The following NAV3 variants were observed in gnomAD, a reference collection of about 807,000 sequenced individuals.
NAV3 encodes neuron navigator 3.
Under a neutral mutation model 244.7 loss-of-function variants are expected in NAV3, and 87 were observed. That is an observed-to-expected ratio of 0.36 (90% CI 0.30 to 0.42). The LOEUF (loss-of-function observed/expected upper bound fraction) is 0.42, where lower values mean the gene tolerates loss of function less well. Among genes scored for constraint, NAV3 ranks in the 20% least tolerant of loss-of-function variants. The pLI, the probability that NAV3 is intolerant of heterozygous loss-of-function variation, is 1.00. For synonymous variants in NAV3, 1,126 were observed against 1,042.2 expected, an observed-to-expected ratio of 1.08 and a Z score of -1.55; for missense variants, 2,663 against 2,893.3, an observed-to-expected ratio of 0.92 and a Z score of 1.83.
intron 2 of NAV3, among the ~76,000 whole-genome samples, chr12:77,700,561 T>A (rs1221747669): frequency 1.3e-5 from 2 of 152,122 alleles, no homozygotes; most frequent in Non-Finnish European, 2.9e-5. Context: ...TATTATAATG[T>A]TGAATAGAAA....
intron 12 of NAV3, among the ~76,000 whole-genome samples, chr12:78,071,619 C>T (rs969975655): frequency 4.6e-5 from 7 of 151,806 alleles, no homozygotes; most frequent in Non-Finnish European, 5.9e-5. Context: ...TCAGACATGA[C>T]GTCTTTAATC....
At chr12:77,997,426 G>A (rs1395513686) in intron 6 of NAV3, among the ~76,000 whole-genome samples, 2 of 152,118 alleles carry the variant, frequency 1.3e-5, no homozygotes, top group Non-Finnish European at 2.9e-5. Flanking sequence ...TTGTTTAAGA[G>A]TGAAATGAAT....
intron 21 of NAV3, 146 bp from the exon 22 acceptor site, chr12:78,148,696 T>C (rs1257668152): frequency 1.6e-6 from 1 of 632,882 alleles, no homozygotes; most frequent in Non-Finnish European, 2.8e-6. Flanking sequence ...GTGGAGTCAG[T>C]GTTCATATCC....
chr12:78,054,695 A>G (rs1287001386), intron 11 of NAV3, among the ~76,000 whole-genome samples: 1 of 152,186 alleles, frequency 6.6e-6, no homozygotes, highest in Non-Finnish European at 1.5e-5. Flanking sequence ...ATAGAACCAG[A>G]GATGGACTAC....
At chr12:77,958,686 T>G (rs958268277) in intron 3 of NAV3, among the ~76,000 whole-genome samples, 1 of 152,178 alleles carries the variant, frequency 6.6e-6, no homozygotes, top group African/African-American at 2.4e-5. Context: ...TCAGAAACTT[T>G]TCATTTTATT....
intron 2 of NAV3, among the ~76,000 whole-genome samples, chr12:77,778,180 C>T (rs1212430181): frequency 7.8e-6 from 1 of 128,750 alleles, no homozygotes; most frequent in Non-Finnish European, 1.7e-5. Context: ...CCTCTGCCCT[C>T]TCCTCCTCTC....
At chr12:77,807,120 ACT>A (rs536908802) in intron 2 of NAV3, among the ~76,000 whole-genome samples, 34 of 152,000 alleles carry the variant, frequency 2.2e-4, no homozygotes, top group Admixed American at 3.9e-4. Context: ...ATGGGTCTTG[ACT>A]CTATCCAATT....
intron 1 of NAV3, among the ~76,000 whole-genome samples, chr12:77,900,812 A>G (rs1885198411): frequency 6.6e-6 from 1 of 152,066 alleles, no homozygotes; most frequent in Non-Finnish European, 1.5e-5. Context: ...CCACGGGGTC[A>G]CCCACCAAGA....
intron 1 of NAV3, among the ~76,000 whole-genome samples, chr12:77,860,339 A>G (rs1453294484): frequency 1.3e-5 from 2 of 150,416 alleles, no homozygotes; most frequent in Non-Finnish European, 3.0e-5. Flanking sequence ...TATTTTATTT[A>G]TAATTTTATA....
chr12:77,874,984 A>C (rs1881641559), intron 1 of NAV3, among the ~76,000 whole-genome samples: 1 of 152,176 alleles, frequency 6.6e-6, no homozygotes, highest in African/African-American at 2.4e-5. Flanking sequence ...CATTGTAGGA[A>C]GAATGCATTT....
rs200907829 is a variant in NAV3 at position 77,739,482 on chromosome 12, C to G, written c.72+167216C>G. ...ATTCTGTGTATCTCTAGCATTTAATCTGATGCCACATTTAATAAGAGCAAA... is the reference window on the plus strand; with the variant it reads ...ATTCTGTGTATCTCTAGCATTTAATGTGATGCCACATTTAATAAGAGCAAA... On this transcript the variant is annotated intron_variant, in intron 2 of 8. Coordinates refer to the NAV3 transcript ENST00000550042. Among the ~76,000 whole-genome samples the G allele has an allele frequency of 3.9e-5, 6 of 152,180 alleles. No homozygotes were observed. In the East Asian group the frequency reaches 1.2e-3, roughly 29 times the overall value.
chr12:78,037,923 GC>G (rs941678015), intron 9 of NAV3, among the ~76,000 whole-genome samples: 1 of 152,168 alleles, frequency 6.6e-6, no homozygotes, highest in Non-Finnish European at 1.5e-5. Context: ...TACAGGGGCC[GC>G]TGCTGGCTTC....
At chr12:77,974,433 C>A (rs1394190347) in intron 5 of NAV3, among the ~76,000 whole-genome samples, 2 of 151,682 alleles carry the variant, frequency 1.3e-5, no homozygotes, top group African/African-American at 4.8e-5. Context: ...AGGTGCCCAC[C>A]ACCACGGCCA....
chr12:78,039,654 G>C (rs1238308502), intron 9 of NAV3, among the ~76,000 whole-genome samples: 1 of 152,086 alleles, frequency 6.6e-6, no homozygotes, highest in Non-Finnish European at 1.5e-5. Context: ...AGATGGCAAT[G>C]CTGGCAGTGT....
chr12:77,678,824 C>T (rs1436148436), intron 2 of NAV3, among the ~76,000 whole-genome samples: 1 of 145,544 alleles, frequency 6.9e-6, no homozygotes, highest in Non-Finnish European at 1.5e-5. Flanking sequence ...AATCCCAGAG[C>T]GATCAGAAGG....
chr12:77,958,966 T>C (rs1593117014), intron 3 of NAV3, among the ~76,000 whole-genome samples: 1 of 152,316 alleles, frequency 6.6e-6, no homozygotes, highest in Non-Finnish European at 1.5e-5. Flanking sequence ...AATTTCTTTG[T>C]ATTACTGCTA....
At chr12:78,039,781 T>C (rs1214144410) in intron 9 of NAV3, among the ~76,000 whole-genome samples, 1 of 152,092 alleles carries the variant, frequency 6.6e-6, no homozygotes, top group Non-Finnish European at 1.5e-5. Context: ...TATTTTTTTT[T>C]TCTCTACTAA....
intron 8 of NAV3, among the ~76,000 whole-genome samples, chr12:78,009,910 A>T (rs1029875931): frequency 6.6e-6 from 1 of 152,162 alleles, no homozygotes; most frequent in African/African-American, 2.4e-5. Context: ...ACAATATAAG[A>T]TAGCTAAAAA....
rs1454107729 is a variant in NAV3 at position 78,204,686 on chromosome 12, T to TA, written c.6835-248dup. ...ATGTTTATTTATAATAAACCTCCCG[T>TA]ATATTCTCCCCCAAAAGTTGACATC... On this transcript the variant is annotated intron_variant, in intron 38 of 39. Coordinates refer to ENST00000397909, the MANE Select transcript of NAV3 (RefSeq NM_001024383.2). Among the ~76,000 whole-genome samples the TA allele has an allele frequency of 3.9e-5, 6 of 152,108 alleles. No homozygotes were observed. In the East Asian group the frequency reaches 1.2e-3, roughly 29 times the overall value.
Sources: gnomAD v4.1 joint callset for allele counts (sites outside exome capture counted in the v4.1 genomes callset) on GRCh38, gnomAD v4.1.1 for gene constraint, MANE v1.5 for transcripts, NCBI Gene and HGNC (gene_info 2026-07-23, HGNC 2026-07-21) for gene names.